The following NRG1 variants were observed in gnomAD, a reference collection of about 807,000 sequenced individuals.
NRG1 encodes neuregulin 1.
Under a neutral mutation model 63.8 loss-of-function variants are expected in NRG1, and 18 were observed. The observed-to-expected ratio is 0.28, with a 90% CI of 0.19 to 0.42. NRG1 has a LOEUF of 0.42. NRG1 is among the 10% of genes least tolerant of loss of function. The pLI is 1.00. For missense variants in NRG1, 762 were observed against 814.7 expected (o/e 0.94, Z 0.79); for synonymous variants, 302 against 301.3 (o/e 1.00, Z -0.02).
intron 5 of NRG1, chr8:32,648,235 C>T (rs1242544809): frequency 6.2e-7 from 1 of 1,614,016 alleles, no homozygotes; most frequent in Non-Finnish European, 8.5e-7. Flanking sequence ...GCGGCACCGA[C>T]ACCGAAGAAT....
At chr8:32,088,051 T>G (rs1828544478) in intron 1 of NRG1, among the ~76,000 whole-genome samples, 1 of 152,172 alleles carries the variant, frequency 6.6e-6, no homozygotes, top group Admixed American at 6.5e-5. Flanking sequence ...TTCAAGGTCC[T>G]GTGCGAATAC....
intron 1 of NRG1, among the ~76,000 whole-genome samples, chr8:31,806,477 C>T (rs1347146350): frequency 6.6e-6 from 1 of 152,026 alleles, no homozygotes; most frequent in Non-Finnish European, 1.5e-5. Flanking sequence ...TATTCCATTA[C>T]AATGTGAAAT....
At chr8:32,391,350 AAT>A (rs1811746996) in intron 1 of NRG1, among the ~76,000 whole-genome samples, 1 of 151,774 alleles carries the variant, frequency 6.6e-6, no homozygotes, top group African/African-American at 2.4e-5. Context: ...CCCAGTCTGG[AAT>A]ATATATATTT....
At chr8:32,465,995 A>G (rs920186968) in intron 1 of NRG1, among the ~76,000 whole-genome samples, 3 of 152,192 alleles carry the variant, frequency 2.0e-5, no homozygotes, top group Non-Finnish European at 4.4e-5. Flanking sequence ...GATAATTTTC[A>G]TTATTTTTCT....
intron 1 of NRG1, among the ~76,000 whole-genome samples, chr8:32,589,582 G>T (rs1563718317): frequency 6.6e-6 from 1 of 152,170 alleles, no homozygotes; most frequent in Non-Finnish European, 1.5e-5. Flanking sequence ...CTTCAGATTA[G>T]CTGCACAAAC....
intron 1 of NRG1, among the ~76,000 whole-genome samples, chr8:32,225,828 A>G (rs1180703864): frequency 1.3e-5 from 2 of 152,164 alleles, no homozygotes; most frequent in Non-Finnish European, 2.9e-5. Context: ...GTGTGTTATT[A>G]AAATGATTTT....
intron 1 of NRG1, among the ~76,000 whole-genome samples, chr8:32,240,613 A>T (rs1848004821): frequency 6.6e-6 from 1 of 152,118 alleles, no homozygotes; most frequent in South Asian, 2.1e-4. Flanking sequence ...CGTAAATGTC[A>T]AATCTTTGGT....
At chr8:31,934,101 A>G (rs1458485122) in intron 1 of NRG1, among the ~76,000 whole-genome samples, 1 of 151,986 alleles carries the variant, frequency 6.6e-6, no homozygotes, top group Non-Finnish European at 1.5e-5. Flanking sequence ...GTGTGTGGGT[A>G]CCTTCATGTG....
chr8:32,196,940 A>ATTTT (rs1458233142), intron 1 of NRG1, among the ~76,000 whole-genome samples: 10 of 33,978 alleles, frequency 2.9e-4, no homozygotes, highest in Non-Finnish European at 5.6e-4. Context: ...TTCTCAGAAC[A>ATTTT]TTCTTTTTTT....
At position 31,917,638 on chromosome 8, in the gene NRG1, G is replaced by A. The variant is rs185377595; in HGVS notation, c.37+278207G>A. On this transcript the variant is annotated intron_variant, in intron 1 of 10. Transcript: ENST00000519301. Reference sequence around the variant, plus strand: ...GTAGTATAGTTGGAAGTCAGGTAACGTGATGCCTCCAGCTTTGTTCTTTTG... The same window carrying A: ...GTAGTATAGTTGGAAGTCAGGTAACATGATGCCTCCAGCTTTGTTCTTTTG... Among the ~76,000 whole-genome samples, 121 of 152,234 alleles carry A rather than the reference G, an allele frequency of 7.9e-4. 1 individual carries two copies. The highest frequency in any genetic ancestry group is 2.6e-3 in the African/African-American group (108 of 41,538).
At chr8:32,592,271 G>A (rs528957794) in intron 1 of NRG1, among the ~76,000 whole-genome samples, 16 of 152,156 alleles carry the variant, frequency 1.1e-4, no homozygotes, top group African/African-American at 3.9e-4. Flanking sequence ...CCACAACGCA[G>A]TGCTCCTGCT....
At chr8:32,483,451 A>G (rs12216802) in intron 1 of NRG1, among the ~76,000 whole-genome samples, 29,483 of 152,150 alleles carry the variant, frequency 0.19, 3,403 homozygotes, top group South Asian at 0.32. Flanking sequence ...CCCCCCATGA[A>G]AGTTATGCAT....
intron 1 of NRG1, among the ~76,000 whole-genome samples, chr8:31,824,552 T>C (rs971687355): frequency 7.9e-5 from 12 of 152,228 alleles, no homozygotes; most frequent in African/African-American, 2.9e-4. Flanking sequence ...TACTTCTGGG[T>C]TGGCTGAGAT....
At chr8:32,447,589 G>C (rs972966938) in intron 1 of NRG1, among the ~76,000 whole-genome samples, 3 of 152,112 alleles carry the variant, frequency 2.0e-5, no homozygotes, top group Non-Finnish European at 4.4e-5. Flanking sequence ...TGAATAAAAC[G>C]TGGGCGCAGT....
chr8:32,723,291 A>C (rs936084645), intron 5 of NRG1, among the ~76,000 whole-genome samples: 8 of 152,122 alleles, frequency 5.3e-5, no homozygotes, highest in Admixed American at 4.6e-4. Context: ...TTATCTATGA[A>C]GGGTTTCTTC....
At chr8:32,200,044 G>A (rs1843348359) in intron 1 of NRG1, among the ~76,000 whole-genome samples, 1 of 152,146 alleles carries the variant, frequency 6.6e-6, no homozygotes, top group South Asian at 2.1e-4. Flanking sequence ...CTCCCAAAGG[G>A]CTGGGATTAC....
At chr8:32,548,697 G>C (rs766990471) in exon 1 of NRG1, 17 of 1,558,194 alleles carry the variant, frequency 1.1e-5, no homozygotes, top group Non-Finnish European at 1.5e-5. Flanking sequence ...GCCGAGAGCC[G>C]TCCGCGTAGA....
At chr8:32,082,155 T>C (rs551839366) in intron 1 of NRG1, among the ~76,000 whole-genome samples, 1 of 152,050 alleles carries the variant, frequency 6.6e-6, no homozygotes, top group African/African-American at 2.4e-5. Context: ...ATGATGATCC[T>C]GAGAGCATCC....
At chr8:32,230,703 T>C (rs1846832380) in intron 1 of NRG1, among the ~76,000 whole-genome samples, 2 of 152,282 alleles carry the variant, frequency 1.3e-5, no homozygotes, top group East Asian at 1.9e-4. Context: ...GTGTCAAAGA[T>C]GTTAAGAAAC....
Sources: allele counts gnomAD v4.1 joint callset (sites outside exome capture counted in the v4.1 genomes callset), GRCh38; gene constraint gnomAD v4.1.1; transcripts MANE v1.5; gene names NCBI Gene and HGNC (gene_info 2026-07-23, HGNC 2026-07-21).